RADX: variants seen among roughly 807,000 people sequenced by gnomAD.
RADX encodes RPA-related protein RADX.
RADX carries 36 observed loss-of-function variants against 61.6 expected under a neutral mutation model. That is an observed-to-expected ratio of 0.58 (90% CI 0.45 to 0.77). The LOEUF is 0.77. Ranked by LOEUF, RADX falls within the 30% of genes least tolerant of loss-of-function variation. RADX has a pLI of 0.00. For missense variants in RADX, 497 were observed against 651.1 expected (o/e 0.76, Z 2.58); for synonymous variants, 272 against 237.9 (o/e 1.14, Z -1.32).
Position 106,638,267 on chromosome X carries a change from CTT to C in RADX, c.1573+355_1573+356del, listed in dbSNP as rs746231371. Reference sequence around the variant, plus strand: ...TGAAATGTTCCAAAACCTGAAACTTCTTTTTTTTTTTTTGAGACGGAGTCTCG... The same window carrying C: ...TGAAATGTTCCAAAACCTGAAACTTCTTTTTTTTTTTGAGACGGAGTCTCG... On this transcript the variant is annotated intron_variant, in intron 8 of 13. Transcript: ENST00000372548. The C allele has an allele frequency of 2.2e-3, 261 of 120,746 alleles. 1 individual carries two copies. Among genetic ancestry groups the C allele is most frequent in the African/African-American group, 4.7e-3 (132 of 28,274 alleles). The allele number at this position is 120,746 out of a possible 1,213,427, so 10.0% of individuals were successfully genotyped here. A position where few individuals can be genotyped will look rare whatever the true frequency, so the allele number is the denominator to read the frequency against.
chrX:106,675,897 T>TACC (rs1175704983), intron 13 of RADX, among the ~76,000 whole-genome samples: 14 of 111,790 alleles, frequency 1.3e-4, no homozygotes, highest in Non-Finnish European at 1.3e-4. Context: ...GTGTGTCAAC[T>TACC]ACCATTCTAA....
chrX:106,662,017 C>G lies in RADX; in HGVS notation c.1981C>G (p.Arg661Gly), dbSNP rs765429808. ...CTATCTCCTTGTGTCTTTAACAGGTCGAGCAAATATAAATGCTAATCTGCA... is the reference window on the plus strand; with the variant it reads ...CTATCTCCTTGTGTCTTTAACAGGTGGAGCAAATATAAATGCTAATCTGCA... ...KPGMPSIFNR[R>G]ANINANLQGK... The change falls in exon 12 of 14, where the codon CGA becomes GGA. Residue 661 changes from arginine (R) to glycine (G), a missense_variant and splice_region_variant. Transcript: ENST00000372548. 4 of 1,204,529 alleles carry G rather than the reference C, an allele frequency of 3.3e-6. No individual in the cohort carries two copies. Among genetic ancestry groups the G allele is most frequent in the Non-Finnish European group, 4.5e-6 (4 of 892,303 alleles).
At chrX:106,621,627 A>C (rs1458196220) in intron 1 of RADX, among the ~76,000 whole-genome samples, 1 of 112,115 alleles carries the variant, frequency 8.9e-6, no homozygotes, top group Non-Finnish European at 1.9e-5. Flanking sequence ...ATTTCTAAGT[A>C]AATTATATGG....
At chrX:106,655,482 C>T (rs925206618) in intron 11 of RADX, among the ~76,000 whole-genome samples, 2 of 108,397 alleles carry the variant, frequency 1.8e-5, no homozygotes, top group African/African-American at 6.7e-5. Context: ...CTAATGCTAT[C>T]CCTCCCCCCA....
Position 106,612,629 on chromosome X carries a change from C to A in RADX, c.549C>A (p.Gly183=), listed in dbSNP as rs1327084243. ...HQEKPERPLR[G]GKSHYLALWN... ...AGAAACCAGAGAGGCCTTTAAGAGG[C>A]GGGAAGAGTCATTACCTGGCGCTGT... is the stretch of plus-strand genomic sequence containing the variant. The change falls in exon 1 of 14, where the codon GGC becomes GGA. Residue 183 remains glycine (G), a synonymous_variant. Coordinates refer to ENST00000372548, the MANE Select transcript of RADX (RefSeq NM_018015.6). 2 of 1,208,337 alleles carry A rather than the reference C, an allele frequency of 1.7e-6. No homozygotes were observed. The highest frequency in any genetic ancestry group is 3.5e-5 in the African/African-American group (2 of 56,840).
In RADX at chrX:106,612,637, G is replaced by A; in HGVS notation, c.557G>A (p.Ser186Asn). The change falls in exon 1 of 14, where the codon AGT (serine) becomes AAT (asparagine). Residue 186 changes from serine to asparagine, a missense_variant. Physicochemically the swap from Ser to Asn is conservative, Grantham distance 46 (BLOSUM62 1). This residue lies in a region of RADX where 196 missense variants were observed against 315.0 expected (regional missense o/e 0.62). Transcript: ENST00000372548. ...GAGAGGCCTTTAAGAGGCGGGAAGA[G>A]TCATTACCTGGCGCTGTGGAATAAC... ...KPERPLRGGK[S>N]HYLALWNNED... 1 of 1,211,048 alleles carries A rather than the reference G, an allele frequency of 8.3e-7. No individual in the cohort carries two copies. Among genetic ancestry groups the A allele is most frequent in the South Asian group, 1.8e-5 (1 of 56,895 alleles).
At chrX:106,647,509 G>A (rs1405145075) in intron 10 of RADX, among the ~76,000 whole-genome samples, 1 of 110,780 alleles carries the variant, frequency 9.0e-6, no homozygotes, top group African/African-American at 3.3e-5. Flanking sequence ...TATATACCAA[G>A]CAGGGGGGAT....
rs1928560564 is a variant in RADX, at chrX:106,678,343, GT to G, written c.*89del. ...CATTTTGCTGGTAATTTCAGTAACTGTTTTCAGCAAGAATATTACATGAGCT... is the reference window on the plus strand; with the variant it reads ...CATTTTGCTGGTAATTTCAGTAACTGTTTCAGCAAGAATATTACATGAGCT... On this transcript the variant is annotated 3_prime_UTR_variant, in exon 14 of 14. Transcript: ENST00000372548. 1.5e-6 allele frequency: 1 copy of G among 671,832 alleles called. No individual in the cohort carries two copies. The highest frequency in any genetic ancestry group is 2.9e-5 in the Admixed American group (1 of 34,566). The allele number at this position is 671,832 out of a possible 1,213,427, so 55.4% of individuals were successfully genotyped here.
chrX:106,654,397 G>A (rs1227399417), intron 11 of RADX, among the ~76,000 whole-genome samples: 1 of 109,836 alleles, frequency 9.1e-6, no homozygotes, highest in Non-Finnish European at 1.9e-5. Flanking sequence ...TTTTTTTCTT[G>A]TAAATTTGTT....
chrX:106,636,386 C>G (rs1009495427), intron 6 of RADX, among the ~76,000 whole-genome samples, 157 bp from the exon 7 acceptor site: 2 of 111,731 alleles, frequency 1.8e-5, no homozygotes, highest in Non-Finnish European at 3.8e-5. Context: ...AATCTCAGGC[C>G]CCACCCTAGA....
At chrX:106,613,995 G>T (rs1926740841) in intron 1 of RADX, among the ~76,000 whole-genome samples, 1 of 111,572 alleles carries the variant, frequency 9.0e-6, no homozygotes, top group African/African-American at 3.3e-5. Context: ...TAATACAAAA[G>T]GCAATGTCTG....
At chrX:106,649,919 C>T (rs1927754331) in intron 11 of RADX, among the ~76,000 whole-genome samples, 1 of 110,770 alleles carries the variant, frequency 9.0e-6, no homozygotes, top group Non-Finnish European at 1.9e-5. Flanking sequence ...CACCAGGTGC[C>T]AGAAACAAAA....
chrX:106,650,923 T>C (rs927654857), intron 11 of RADX, among the ~76,000 whole-genome samples: 2 of 111,217 alleles, frequency 1.8e-5, no homozygotes, highest in East Asian at 5.6e-4. Context: ...GTAAAGAGTT[T>C]AGAAAGGTAA....
At position 106,622,739 on chromosome X, in the gene RADX, A is replaced by G. The variant is rs1926982323; in HGVS notation, c.732A>G (p.Lys244=). 1 of 1,200,292 alleles carries G rather than the reference A, an allele frequency of 8.3e-7. No individual in the cohort carries two copies. The highest frequency in any genetic ancestry group is 1.8e-5 in the African/African-American group (1 of 56,601). The change falls in exon 2 of 14, where the codon AAA becomes AAG. Residue 244 remains lysine (K), a synonymous_variant. Transcript: ENST00000372548. ...CATTGCTTGTGAGGATCTTACATAAATCAAAACTGCGATACTATGGAAAAC... is the reference window on the plus strand; with the variant it reads ...CATTGCTTGTGAGGATCTTACATAAGTCAAAACTGCGATACTATGGAAAAC... ...FPALLVRILH[K]SKLRYYGKPD... is the part of the protein sequence containing the mutation.
intron 13 of RADX, among the ~76,000 whole-genome samples, chrX:106,677,364 A>G (rs1245999574): frequency 9.0e-6 from 1 of 111,104 alleles, no homozygotes; most frequent in East Asian, 2.8e-4. Flanking sequence ...ATTTTTCCCT[A>G]GTTGCTCTAA....
At chrX:106,645,471 G>A (rs775475542) in intron 10 of RADX, among the ~76,000 whole-genome samples, 1 of 110,438 alleles carries the variant, frequency 9.1e-6, no homozygotes, top group Non-Finnish European at 1.9e-5. Context: ...CATTTGTTTC[G>A]AGCAATTTTT....
In RADX at chrX:106,625,205, A is replaced by G. The variant is rs903045587; in HGVS notation, c.902A>G (p.Tyr301Cys). Residue 301 changes from tyrosine (Y) to cysteine (C), a missense_variant, in exon 3 of 14, where the codon TAT becomes TGT. This residue lies in a region of RADX where 196 missense variants were observed against 315.0 expected (regional missense o/e 0.62). Transcript: ENST00000372548. ...GGTTTAGTTCTTCTGCTTCAAGACT[A>G]TTCTGTTAAAAAGAGTTATCCATTC... ...RVGLVLLLQD[Y>C]SVKKSYPFRI... The G allele has an allele frequency of 8.3e-7, 1 of 1,205,904 alleles. No individual in the cohort carries two copies. Among genetic ancestry groups the G allele is most frequent in the Non-Finnish European group, 1.1e-6 (1 of 892,353 alleles).
intron 8 of RADX, 54 bp downstream of exon 8, chrX:106,637,978 C>T (rs754227342): frequency 2.0e-6 from 2 of 982,160 alleles, no homozygotes; most frequent in South Asian, 2.1e-5. Flanking sequence ...ATATGTATGG[C>T]TTATGCTATT....
At chrX:106,664,074 G>A (rs758983443) in intron 12 of RADX, among the ~76,000 whole-genome samples, 1 of 111,592 alleles carries the variant, frequency 9.0e-6, no homozygotes, top group South Asian at 3.7e-4. Flanking sequence ...TTAAAAGACA[G>A]TGGAAAATAA....
Sources: gnomAD v4.1 joint callset for allele counts (sites outside exome capture counted in the v4.1 genomes callset) on GRCh38, gnomAD v4.1.1 for gene constraint, gnomAD v4.1.1 regional missense constraint, MANE v1.5 for transcripts, NCBI Gene and HGNC (gene_info 2026-07-23, HGNC 2026-07-21) for gene names.